Variants in CELF2 observed in about 807,000 individuals in gnomAD.
CELF2 encodes CUGBP Elav-like family member 2.
In CELF2, 8 loss-of-function variants were observed where a neutral mutation model predicts 62.6. That is an observed-to-expected ratio of 0.13 (90% CI 0.07 to 0.23). The LOEUF is 0.23. Ranked by LOEUF, CELF2 falls within the 10% of genes least tolerant of loss-of-function variation. CELF2 has a pLI of 1.00. For missense variants in CELF2, 333 were observed against 671.0 expected, an observed-to-expected ratio of 0.50 and a Z score of 5.56; for synonymous variants, 258 against 250.0, an observed-to-expected ratio of 1.03 and a Z score of -0.30.
the CELF2 span, among the ~76,000 whole-genome samples, chr10:10,595,712 TG>T: frequency 5.9e-5 from 9 of 152,236 alleles, no homozygotes; most frequent in East Asian, 1.7e-3. Context: ...GTAGGTATAA[TG>T]GTGAAACCCC....
At chr10:10,805,698 AG>A in intron 1 of CELF2, among the ~76,000 whole-genome samples, 1 of 152,254 alleles carries the variant, frequency 6.6e-6, no homozygotes, top group African/African-American at 2.4e-5. Flanking sequence ...CTCAAGGTGG[AG>A]GCCTAGTTGA....
chr10:11,289,062 A>C (rs1027393303), intron 9 of CELF2, among the ~76,000 whole-genome samples: 12 of 152,224 alleles, frequency 7.9e-5, no homozygotes, highest in African/African-American at 2.9e-4. Context: ...TGTCATTTAA[A>C]GTCTTTTTTT....
the CELF2 span, among the ~76,000 whole-genome samples, chr10:10,585,075 G>A: frequency 3.3e-5 from 5 of 152,224 alleles, no homozygotes; most frequent in South Asian, 1.0e-3. Context: ...TAGTAAAATA[G>A]CCCTTAACCT....
intron 2 of CELF2, among the ~76,000 whole-genome samples, chr10:11,213,802 C>T (rs1345457512): frequency 6.6e-6 from 1 of 152,226 alleles, no homozygotes; most frequent in African/African-American, 2.4e-5. Context: ...TTTAATAAAA[C>T]TTAACCAATC....
rs1324674084 is a variant in CELF2, at chr10:10,993,145, G to T, written c.89+73146G>T. Among the ~76,000 whole-genome samples, 1 of 152,120 alleles carries T rather than the reference G, an allele frequency of 6.6e-6. No individual in the cohort carries two copies. The highest frequency in any genetic ancestry group is 2.4e-5 in the African/African-American group (1 of 41,438). ...TTCCCACCGAAGAGGCGAGTCAGCAGATCAGTAATAAGGTGTATGAGCTAC... is the reference window on the plus strand; with the variant it reads ...TTCCCACCGAAGAGGCGAGTCAGCATATCAGTAATAAGGTGTATGAGCTAC... On this transcript the variant is annotated intron_variant, in intron 2 of 13. Coordinates refer to the CELF2 transcript ENST00000636488. This position sits in a 1 kb window ranked among gnomAD's most constrained non-coding sequence, Gnocchi z 5.3.
intron 1 of CELF2, chr10:10,846,059 G>C: frequency 1.0e-6 from 1 of 980,660 alleles, no homozygotes. Flanking sequence ...CCCTTTCATT[G>C]TAGACTTTTG....
chr10:11,187,386 TTCTC>T (rs2075221699), intron 2 of CELF2, among the ~76,000 whole-genome samples: 1 of 152,200 alleles, frequency 6.6e-6, no homozygotes, highest in Non-Finnish European at 1.5e-5. Flanking sequence ...TATTTTTACA[TTCTC>T]TCTCTTCACG....
chr10:11,133,209 A>C (rs1003519587), intron 1 of CELF2, among the ~76,000 whole-genome samples: 1 of 152,200 alleles, frequency 6.6e-6, no homozygotes, highest in African/African-American at 2.4e-5. Flanking sequence ...TTGGATCCAC[A>C]AGGAACCATT....
At chr10:10,653,811 G>A in the CELF2 span, among the ~76,000 whole-genome samples, 1 of 147,990 alleles carries the variant, frequency 6.8e-6, no homozygotes, top group Non-Finnish European at 1.5e-5. Context: ...AAAAGAACTG[G>A]AAAAGCAAGA....
At chr10:10,968,588 G>A (rs373088868) in intron 2 of CELF2, among the ~76,000 whole-genome samples, 7 of 152,116 alleles carry the variant, frequency 4.6e-5, no homozygotes, top group African/African-American at 1.2e-4. Context: ...TTTGAAAAGC[G>A]TAACTAATAT....
rs1368625235 is a variant in CELF2, at chr10:11,159,329, G to C, written c.75-6157G>C. Among the ~76,000 whole-genome samples the C allele has an allele frequency of 6.6e-6, 1 of 152,232 alleles. No individual in the cohort carries two copies. The highest frequency in any genetic ancestry group is 1.5e-5 in the Non-Finnish European group (1 of 68,034). On this transcript the variant is annotated intron_variant, in intron 1 of 12. Coordinates refer to ENST00000633077, the MANE Select transcript of CELF2 (RefSeq NM_001326342.2). The surrounding 1 kb of genome is among the most constrained non-coding windows in gnomAD (Gnocchi z 5.0). ...ATGCCACTACAGTTAAGACATAGCT[G>C]TGTCAGAAAGGTGGCAAACTCTGCC...
chr10:10,729,765 G>A, the CELF2 span, among the ~76,000 whole-genome samples: 1 of 151,702 alleles, frequency 6.6e-6, no homozygotes, highest in Non-Finnish European at 1.5e-5. Context: ...GGCAACAGAG[G>A]GAGATTGTCT....
At chr10:10,596,898 C>A in the CELF2 span, among the ~76,000 whole-genome samples, 1 of 152,210 alleles carries the variant, frequency 6.6e-6, no homozygotes, top group Non-Finnish European at 1.5e-5. Flanking sequence ...CTAACTCCCA[C>A]TTCTCCTCAG....
chr10:10,567,018 C>T, the CELF2 span, among the ~76,000 whole-genome samples: 1 of 152,168 alleles, frequency 6.6e-6, no homozygotes, highest in Non-Finnish European at 1.5e-5. Context: ...GTATTGCTCA[C>T]ATCTGCCGCG....
chr10:10,468,956 C>T, the CELF2 span, among the ~76,000 whole-genome samples: 1 of 151,888 alleles, frequency 6.6e-6, no homozygotes, highest in African/African-American at 2.4e-5. Flanking sequence ...ATGCCTCAAA[C>T]TAGATCCTCT....
the CELF2 span, among the ~76,000 whole-genome samples, chr10:10,694,944 G>C: frequency 6.6e-6 from 1 of 151,182 alleles, no homozygotes; most frequent in Non-Finnish European, 1.5e-5. Context: ...ACAGCACACT[G>C]ATGGGTCTTG....
At chr10:10,533,720 C>T in the CELF2 span, among the ~76,000 whole-genome samples, 6 of 152,120 alleles carry the variant, frequency 3.9e-5, no homozygotes, top group Non-Finnish European at 7.4e-5. Context: ...TTTGTCCAGA[C>T]AAGGAGATCT....
intron 2 of CELF2, among the ~76,000 whole-genome samples, chr10:10,967,561 C>T (rs986195317): frequency 6.6e-6 from 1 of 152,122 alleles, no homozygotes; most frequent in African/African-American, 2.4e-5. Flanking sequence ...GTGGTGAGGC[C>T]ACAATACATG....
chr10:11,078,665 A>G (rs1284383789), intron 1 of CELF2, among the ~76,000 whole-genome samples: 1 of 152,242 alleles, frequency 6.6e-6, no homozygotes, highest in African/African-American at 2.4e-5. Context: ...ATGAATAATT[A>G]TGTCAGATTA....
Sources: gnomAD v4.1 joint callset for allele counts (sites outside exome capture counted in the v4.1 genomes callset) on GRCh38, gnomAD v4.1.1 for gene constraint, Gnocchi (gnomAD v3.1) non-coding constraint, MANE v1.5 for transcripts, NCBI Gene and HGNC (gene_info 2026-07-23, HGNC 2026-07-21) for gene names.